The following DPP6 variants were observed in gnomAD, a reference collection of about 807,000 sequenced individuals.
DPP6 encodes dipeptidyl peptidase like 6.
Under a neutral mutation model 122.6 loss-of-function variants are expected in DPP6, and 69 were observed. That is an observed-to-expected ratio of 0.56 (90% CI 0.46 to 0.69). DPP6 has a LOEUF of 0.69. Ranked by LOEUF, DPP6 falls within the 30% of genes least tolerant of loss-of-function variation. The pLI is 0.00. For synonymous variants in DPP6, 418 were observed against 433.1 expected, an observed-to-expected ratio of 0.97 and a Z score of 0.43; for missense variants, 928 against 1,116.9, an observed-to-expected ratio of 0.83 and a Z score of 2.41.
upstream of DPP6, among the ~76,000 whole-genome samples, chr7:153,886,708 C>G (rs912074014): frequency 6.6e-6 from 1 of 152,172 alleles, no homozygotes; most frequent in Non-Finnish European, 1.5e-5. Context: ...AGAGTGCAAC[C>G]ATGGAGACGC....
the DPP6 span, among the ~76,000 whole-genome samples, chr7:153,817,736 G>T: frequency 7.2e-6 from 1 of 139,346 alleles, no homozygotes; most frequent in Admixed American, 7.6e-5. Context: ...TGGACACAGG[G>T]TGGGGAACAT....
the DPP6 span, among the ~76,000 whole-genome samples, chr7:153,771,810 CATATT>C: frequency 6.6e-6 from 1 of 152,028 alleles, no homozygotes; most frequent in Non-Finnish European, 1.5e-5. Flanking sequence ...AGAGAAAAAA[CATATT>C]AAAAGAATTC....
intron 2 of DPP6, among the ~76,000 whole-genome samples, chr7:154,449,848 A>G (rs991698856): frequency 6.6e-6 from 1 of 151,484 alleles, no homozygotes; most frequent in East Asian, 1.9e-4. Flanking sequence ...TCTACTAAAA[A>G]TAAAAAAAAA....
the DPP6 span, among the ~76,000 whole-genome samples, chr7:153,751,994 T>C: frequency 6.6e-6 from 1 of 152,206 alleles, no homozygotes; most frequent in African/African-American, 2.4e-5. Context: ...ACTTGGACTT[T>C]GGGATCCTAA....
intron 1 of DPP6, among the ~76,000 whole-genome samples, chr7:153,960,674 TG>T (rs1795306744): frequency 8.8e-5 from 1 of 11,378 alleles, no homozygotes; most frequent in Non-Finnish European, 1.5e-4. Flanking sequence ...CGGGTGTGTA[TG>T]TGTGTACATG....
intron 1 of DPP6, among the ~76,000 whole-genome samples, chr7:153,989,342 A>G (rs1563079007): frequency 6.7e-6 from 1 of 150,196 alleles, no homozygotes; most frequent in African/African-American, 2.4e-5. Context: ...TGAGTGTGCA[A>G]GTGTGTGAGT....
At chr7:154,783,383 A>G (rs1797143944) in intron 10 of DPP6, among the ~76,000 whole-genome samples, 1 of 152,118 alleles carries the variant, frequency 6.6e-6, no homozygotes, top group African/African-American at 2.4e-5. Context: ...GAGTACAGTC[A>G]TGGTGGTGCC....
rs1801621553 is a variant in DPP6, at chr7:154,241,586, T to G, written c.243+188523T>G. On this transcript the variant is annotated intron_variant, in intron 1 of 25. Coordinates refer to ENST00000377770, the MANE Select transcript of DPP6 (RefSeq NM_130797.4). This position sits in a 1 kb window ranked among gnomAD's most constrained non-coding sequence, Gnocchi z 9.0. ...AAACAAAACAAAAAAAAGATCCAAT[T>G]CCATCCCCATCTACTCCAAAATGCC... is the stretch of plus-strand genomic sequence containing the variant. Among the ~76,000 whole-genome samples, 1 of 151,946 alleles carries G rather than the reference T, an allele frequency of 6.6e-6. No individual in the cohort carries two copies. Among genetic ancestry groups the G allele is most frequent in the South Asian group, 2.1e-4 (1 of 4,818 alleles).
intron 5 of DPP6, chr7:154,587,808 G>A (rs367792888): frequency 6.0e-5 from 96 of 1,612,466 alleles, no homozygotes; most frequent in East Asian, 8.9e-5. Flanking sequence ...ACTATGTCTC[G>A]GCAGTCAATG....
chr7:153,999,228 G>A (rs1326497651), intron 1 of DPP6, among the ~76,000 whole-genome samples: 2 of 152,226 alleles, frequency 1.3e-5, no homozygotes, highest in Non-Finnish European at 2.9e-5. Context: ...AGGGTCAAAA[G>A]AGAGTTATTT....
intron 17 of DPP6, among the ~76,000 whole-genome samples, chr7:154,860,312 G>T (rs1218329566): frequency 6.6e-6 from 1 of 152,174 alleles, no homozygotes; most frequent in African/African-American, 2.4e-5. Context: ...ATTCCAGAGG[G>T]CCCACATGTC....
the DPP6 span, among the ~76,000 whole-genome samples, chr7:153,837,836 A>AATTTTTTTTTTTTTTTTTTTTTT: frequency 1.3e-5 from 1 of 76,796 alleles, no homozygotes; most frequent in Non-Finnish European, 2.5e-5. Flanking sequence ...ATGCCTGGTT[A>AATTTTTTTTTTTTTTTTTTTTTT]ATTTTTTTTT....
intron 1 of DPP6, among the ~76,000 whole-genome samples, chr7:154,015,092 G>T (rs3864490): frequency 0.2 from 30,420 of 151,822 alleles, 3,277 homozygotes; most frequent in South Asian, 0.29. Context: ...TATTGGTGGT[G>T]GTTCTCAAAC....
the DPP6 span, among the ~76,000 whole-genome samples, chr7:153,764,848 A>C: frequency 6.6e-6 from 1 of 151,956 alleles, no homozygotes; most frequent in Non-Finnish European, 1.5e-5. Flanking sequence ...CTTGCTTCCA[A>C]TACAGTCCCC....
At chr7:154,578,233 T>G (rs1276646161) in intron 5 of DPP6, among the ~76,000 whole-genome samples, 5 of 152,196 alleles carry the variant, frequency 3.3e-5, no homozygotes, top group Non-Finnish European at 7.3e-5. Flanking sequence ...TGTCAAAAGT[T>G]TATGGTGTTC....
intron 21 of DPP6, chr7:154,883,923 CACACATACACACGAGTACATACACGCTG>C (rs1384123550): frequency 1.7e-5 from 1 of 60,466 alleles, no homozygotes; most frequent in African/African-American, 8.8e-5. Flanking sequence ...CACACACGCT[CACACATACACACGAGTACATACACGCTG>C]ACACATGCTC....
At chr7:154,312,486 C>T (rs192925380) in intron 1 of DPP6, among the ~76,000 whole-genome samples, 32 of 152,256 alleles carry the variant, frequency 2.1e-4, no homozygotes, top group African/African-American at 6.3e-4. Flanking sequence ...ATTTAACTTC[C>T]CCTGCCAGAA....
the DPP6 span, among the ~76,000 whole-genome samples, chr7:153,839,936 G>T: frequency 1.3e-5 from 2 of 152,180 alleles, no homozygotes; most frequent in African/African-American, 4.8e-5. Flanking sequence ...ATACATAGAA[G>T]AATTCTACAT....
At chr7:154,581,197 C>T (rs912921807) in intron 5 of DPP6, among the ~76,000 whole-genome samples, 8 of 152,148 alleles carry the variant, frequency 5.3e-5, no homozygotes, top group African/African-American at 1.7e-4. Context: ...GACAAAGAGC[C>T]GCGGATACAA....
Sources: allele counts gnomAD v4.1 joint callset (sites outside exome capture counted in the v4.1 genomes callset), GRCh38; gene constraint gnomAD v4.1.1; non-coding constraint Gnocchi (gnomAD v3.1); transcripts MANE v1.5; gene names NCBI Gene and HGNC (gene_info 2026-07-23, HGNC 2026-07-21).